RB1: variants seen among roughly 807,000 people sequenced by gnomAD.
RB1 encodes the protein RB transcriptional corepressor 1.
In RB1, 18 loss-of-function variants were observed where a neutral mutation model predicts 135.4. The observed-to-expected ratio is 0.13, with a 90% CI of 0.09 to 0.20. The LOEUF is 0.20. RB1 is among the 10% of genes least tolerant of loss of function. RB1 has a pLI of 1.00. For synonymous variants in RB1, 365 were observed against 373.2 expected, an observed-to-expected ratio of 0.98 and a Z score of 0.25; for missense variants, 868 against 1,110.0, an observed-to-expected ratio of 0.78 and a Z score of 3.10.
chr13:48,462,871 C>CA (rs1311955826), intron 20 of RB1, among the ~76,000 whole-genome samples: 2 of 151,992 alleles, frequency 1.3e-5, no homozygotes, highest in African/African-American at 4.8e-5. Context: ...TGACAGTTGT[C>CA]AAAAAATCAG....
intron 19 of RB1, among the ~76,000 whole-genome samples, chr13:48,458,991 T>TA (rs2138334972): frequency 6.6e-6 from 1 of 152,138 alleles, no homozygotes; most frequent in East Asian, 1.9e-4. Flanking sequence ...TTATATAATT[T>TA]AAAAAAATGA....
Position 48,386,706 on chromosome 13 carries a change from C to T in RB1, c.1695+5263C>T, listed in dbSNP as rs572926378. Among the ~76,000 whole-genome samples the T allele has an allele frequency of 2.4e-3, 372 of 152,210 alleles. 1 individual carries two copies. Among genetic ancestry groups the T allele is most frequent in the Middle Eastern group, 3.4e-3 (1 of 294 alleles). On this transcript the variant is annotated intron_variant, in intron 17 of 26. Transcript: ENST00000267163. ...AAATTAGAATTTTAGAAACTTGTAT[C>T]CACCACTGAAAGCTTGACAGAGTCC...
At chr13:48,440,607 A>G (rs975753115) in intron 17 of RB1, among the ~76,000 whole-genome samples, 1 of 152,180 alleles carries the variant, frequency 6.6e-6, no homozygotes, top group Non-Finnish European at 1.5e-5. Context: ...CTACTGTGTC[A>G]AAGAATTTAT....
At chr13:48,336,875 T>A (rs1226983430) in intron 2 of RB1, among the ~76,000 whole-genome samples, 2 of 152,222 alleles carry the variant, frequency 1.3e-5, no homozygotes, top group African/African-American at 2.4e-5. Context: ...GATTCTGGTA[T>A]GTTGTGTCTT....
intron 6 of RB1, among the ~76,000 whole-genome samples, chr13:48,354,973 A>C (rs1464310901): frequency 6.6e-6 from 1 of 152,154 alleles, no homozygotes; most frequent in African/African-American, 2.4e-5. Context: ...GCTATAAGAA[A>C]ACATTGGGGA....
At chr13:48,345,748 ATATG>A (rs1433942903) in intron 4 of RB1, among the ~76,000 whole-genome samples, 4 of 152,162 alleles carry the variant, frequency 2.6e-5, no homozygotes, top group African/African-American at 9.7e-5. Flanking sequence ...TTAATTTGGC[ATATG>A]TCTGTTATCA....
chr13:48,372,789 C>A (rs1234634577), intron 11 of RB1, among the ~76,000 whole-genome samples: 2 of 152,070 alleles, frequency 1.3e-5, no homozygotes, highest in Non-Finnish European at 2.9e-5. Context: ...CAGTTCTTTG[C>A]ATAATTAAAG....
At chr13:48,315,198 T>C (rs1005648059) in intron 2 of RB1, among the ~76,000 whole-genome samples, 8 of 152,228 alleles carry the variant, frequency 5.3e-5, no homozygotes, top group Non-Finnish European at 1.2e-4. Flanking sequence ...TTTGTTCGTG[T>C]CATCTCTGAT....
intron 17 of RB1, among the ~76,000 whole-genome samples, chr13:48,391,866 C>T (rs2138160835): frequency 6.6e-6 from 1 of 152,064 alleles, no homozygotes; most frequent in South Asian, 2.1e-4. Flanking sequence ...ATTTGCCTGC[C>T]TCGGCCTCCT....
At chr13:48,346,099 C>CTTTTTTTTTTTTTTTTTT (rs35882805) in intron 4 of RB1, among the ~76,000 whole-genome samples, 2 of 117,138 alleles carry the variant, frequency 1.7e-5, no homozygotes, top group African/African-American at 3.2e-5. Context: ...CATTGGCCAT[C>CTTTTTTTTTTTTTTTTTT]TTTTTTTTTT....
intron 4 of RB1, among the ~76,000 whole-genome samples, chr13:48,345,718 T>C (rs1267871545): frequency 6.6e-6 from 1 of 152,222 alleles, no homozygotes; most frequent in Non-Finnish European, 1.5e-5. Context: ...TGTACTTCCC[T>C]ACCCCAAATG....
chr13:48,420,268 A>G (rs926791136), intron 17 of RB1, among the ~76,000 whole-genome samples: 3 of 152,230 alleles, frequency 2.0e-5, no homozygotes, highest in East Asian at 3.8e-4. Context: ...TCACATAAAC[A>G]GAACCAAAGA....
intron 7 of RB1, among the ~76,000 whole-genome samples, chr13:48,361,818 A>G (rs1050327333): frequency 6.6e-6 from 1 of 151,546 alleles, no homozygotes; most frequent in Non-Finnish European, 1.5e-5. Context: ...AGTTTTCCAC[A>G]GTGTGGTTTT....
At position 48,319,439 on chromosome 13, in the gene RB1, G is replaced by T; in HGVS notation, c.264+12033G>T. On this transcript the variant is annotated intron_variant, in intron 2 of 26. Coordinates refer to ENST00000267163, the MANE Select transcript of RB1 (RefSeq NM_000321.3). This position sits in a 1 kb window ranked among gnomAD's most constrained non-coding sequence, Gnocchi z 5.0. ...CCTCGGGCGCCTGCGCCGCACTTGT[G>T]ACTTGCTTTCCCCTTCTCAGGGCGC... 1 of 360,002 alleles carries T rather than the reference G, an allele frequency of 2.8e-6. No homozygotes were observed. The highest frequency in any genetic ancestry group is 2.8e-5 in the South Asian group (1 of 36,014). 22.3% of individuals were successfully genotyped at this position (360,002 alleles called of 1,614,324 possible).
chr13:48,361,499 C>A (rs1357383627), intron 7 of RB1, among the ~76,000 whole-genome samples: 2 of 152,090 alleles, frequency 1.3e-5, no homozygotes, highest in East Asian at 1.9e-4. Flanking sequence ...CTTTGCATAC[C>A]ATTTCATCCT....
rs1593426785 is a variant in RB1, at chr13:48,328,452, C to G, written c.265-14147C>G. The G allele has an allele frequency of 1.2e-5, 12 of 992,422 alleles. No individual in the cohort carries two copies. In the East Asian group the frequency reaches 2.9e-4, roughly 24 times the overall value. 61.5% of individuals were successfully genotyped at this position (992,422 alleles called of 1,614,324 possible). ...TGTTGGAGGTCTGCAGCTTCTTCTT[C>G]AGCTGATCGCTTCTCAGCGCTGCGG... On this transcript the variant is annotated intron_variant, in intron 2 of 26. Coordinates refer to ENST00000267163, the MANE Select transcript of RB1 (RefSeq NM_000321.3).
rs774145452 is a variant in RB1, at chr13:48,456,368, T to A, written c.1960+19T>A. Reference sequence around the variant, plus strand: ...AAAAAAGGTTAGTAGATGATTATTTTCAAGAGCATGGACTCTGAAACTAGG... The same window carrying A: ...AAAAAAGGTTAGTAGATGATTATTTACAAGAGCATGGACTCTGAAACTAGG... On this transcript the variant is annotated intron_variant, in intron 19 of 26. Coordinates refer to ENST00000267163, the MANE Select transcript of RB1 (RefSeq NM_000321.3). 9.7e-5 allele frequency: 157 copies of A among 1,613,194 alleles called. No individual in the cohort carries two copies. Among genetic ancestry groups the A allele is most frequent in the Non-Finnish European group, 1.2e-4 (146 of 1,179,524 alleles).
chr13:48,480,068 A>AATT lies in RB1; in HGVS notation c.2784_2785insATT. 6.2e-7 allele frequency: 1 copy of AATT among 1,611,570 alleles called. No homozygotes were observed. The highest frequency in any genetic ancestry group is 8.5e-7 in the Non-Finnish European group (1 of 1,177,992). ...TGGATACCTCAAACAAGGAAGAGAA[A>AATT]TGAGGATCTCAGGACCTTGGTGGAC... On this transcript the variant is annotated inframe_insertion, in exon 27 of 27. Transcript: ENST00000267163.
intron 3 of RB1, among the ~76,000 whole-genome samples, chr13:48,343,525 G>T (rs543904464): frequency 1.3e-5 from 2 of 152,158 alleles, no homozygotes; most frequent in East Asian, 1.9e-4. Flanking sequence ...CAAAATAATA[G>T]AAATGACATA....
Sources: allele counts gnomAD v4.1 joint callset (sites outside exome capture counted in the v4.1 genomes callset), GRCh38; gene constraint gnomAD v4.1.1; non-coding constraint Gnocchi (gnomAD v3.1); transcripts MANE v1.5; gene names NCBI Gene and HGNC (gene_info 2026-07-23, HGNC 2026-07-21).